CFAP299: variants seen among roughly 807,000 people sequenced by gnomAD.
The protein encoded by CFAP299 is cilia and flagella associated protein 299, also known as cilia- and flagella-associated protein 299.
A neutral mutation model predicts 27.0 loss-of-function variants in CFAP299; 21 were observed. The ratio of observed to expected loss-of-function variants is 0.78; its 90% confidence interval spans 0.55 to 1.12. The LOEUF is 1.12. Ranked by LOEUF, CFAP299 falls within the 50% of genes most tolerant of loss-of-function variation. The pLI, the probability that CFAP299 is intolerant of heterozygous loss-of-function variation, is 0.00. For missense variants in CFAP299, 310 were observed against 276.6 expected (o/e 1.12, Z -0.86); for synonymous variants, 104 against 98.1 (o/e 1.06, Z -0.36).
chr4:80,564,147 T>A (rs1735169907), intron 2 of CFAP299, among the ~76,000 whole-genome samples: 1 of 151,878 alleles, frequency 6.6e-6, no homozygotes, highest in African/African-American at 2.4e-5. Flanking sequence ...TTATAAAAAA[T>A]AGGGGAGGAG....
At chr4:80,435,303 A>T (rs1286565538) in intron 2 of CFAP299, among the ~76,000 whole-genome samples, 2 of 152,178 alleles carry the variant, frequency 1.3e-5, no homozygotes, top group Non-Finnish European at 2.9e-5. Context: ...TGTATCTTCC[A>T]TCCAGAGAGG....
chr4:80,683,652 C>T (rs1719989758), intron 3 of CFAP299, among the ~76,000 whole-genome samples: 1 of 152,006 alleles, frequency 6.6e-6, no homozygotes, highest in Admixed American at 6.6e-5. Context: ...CTCTTGTAAC[C>T]CTTTGATAAT....
At chr4:80,675,909 G>T (rs1719419222) in intron 3 of CFAP299, among the ~76,000 whole-genome samples, 3 of 152,184 alleles carry the variant, frequency 2.0e-5, no homozygotes, top group African/African-American at 7.2e-5. Flanking sequence ...CACAGTATGT[G>T]GGTGGGAGTG....
chr4:80,485,947 G>A (rs901860340), intron 2 of CFAP299, among the ~76,000 whole-genome samples: 2 of 151,962 alleles, frequency 1.3e-5, no homozygotes, highest in African/African-American at 4.8e-5. Flanking sequence ...GCTAAATTCT[G>A]TTTTACTTTT....
At chr4:80,668,413 T>A (rs1741252864) in intron 3 of CFAP299, among the ~76,000 whole-genome samples, 1 of 152,190 alleles carries the variant, frequency 6.6e-6, no homozygotes, top group African/African-American at 2.4e-5. Context: ...CCCCAAAGTT[T>A]TTTGTTAGTA....
intron 2 of CFAP299, among the ~76,000 whole-genome samples, chr4:80,541,482 G>A (rs1231794780): frequency 2.0e-5 from 3 of 152,028 alleles, no homozygotes; most frequent in African/African-American, 7.2e-5. Flanking sequence ...AGGATTATTT[G>A]GTACTCAGTG....
intron 3 of CFAP299, among the ~76,000 whole-genome samples, chr4:80,828,671 T>G (rs1415477870): frequency 6.6e-6 from 1 of 151,998 alleles, no homozygotes; most frequent in Non-Finnish European, 1.5e-5. Flanking sequence ...ACCATGATTG[T>G]AAGCTTCCTG....
In CFAP299 at chr4:80,447,444, G is replaced by GT. The variant is rs921234316; in HGVS notation, c.242+84566dup. Among the ~76,000 whole-genome samples the GT allele has an allele frequency of 7.6e-4, 106 of 138,932 alleles. 1 individual carries two copies. The highest frequency in any genetic ancestry group is 2.0e-3 in the African/African-American group (76 of 37,124). The allele number at this position is 138,932 out of a possible 152,430, so 91.1% of individuals were successfully genotyped here. ...GCCACCGCGCCCGGCCTATTTGTTT[G>GT]TTTTTTAAGACAGAGTCTTGCTCTG... is the stretch of plus-strand genomic sequence containing the variant. On this transcript the variant is annotated intron_variant, in intron 2 of 5. Transcript: ENST00000358105.
intron 3 of CFAP299, among the ~76,000 whole-genome samples, chr4:80,786,749 C>T (rs994215174): frequency 6.6e-6 from 1 of 152,060 alleles, no homozygotes; most frequent in Non-Finnish European, 1.5e-5. Context: ...TTTGTAACTG[C>T]TTCAGCCACT....
intron 4 of CFAP299, among the ~76,000 whole-genome samples, chr4:80,894,392 A>G (rs538572865): frequency 3.9e-5 from 6 of 152,134 alleles, no homozygotes; most frequent in African/African-American, 1.4e-4. Flanking sequence ...GATCCTAACC[A>G]GTACATCTAA....
intron 2 of CFAP299, among the ~76,000 whole-genome samples, chr4:80,452,290 A>G (rs1003611484): frequency 6.6e-5 from 10 of 151,980 alleles, no homozygotes; most frequent in African/African-American, 2.4e-4. Context: ...GTTACGACCA[A>G]CAGGCCTTCA....
chr4:80,906,163 GGGCTATA>G (rs1735174244), intron 4 of CFAP299, among the ~76,000 whole-genome samples: 1 of 137,516 alleles, frequency 7.3e-6, no homozygotes, highest in African/African-American at 3.4e-5. Flanking sequence ...CAAAATGAAG[GGGCTATA>G]GGCCCCATGC....
At chr4:80,615,194 T>TCTAC (rs1738210396) in intron 3 of CFAP299, among the ~76,000 whole-genome samples, 1 of 152,146 alleles carries the variant, frequency 6.6e-6, no homozygotes, top group Non-Finnish European at 1.5e-5. Flanking sequence ...TCTGAGCAAA[T>TCTAC]TAGTTTAGTA....
At chr4:80,422,505 C>G (rs1727336052) in intron 2 of CFAP299, among the ~76,000 whole-genome samples, 2 of 152,116 alleles carry the variant, frequency 1.3e-5, no homozygotes, top group Non-Finnish European at 2.9e-5. Context: ...TGTACTTTTT[C>G]AAGTTTCTGC....
rs775126961 is a variant in CFAP299, at chr4:80,623,166, T to C, written c.333+39983T>C. On this transcript the variant is annotated intron_variant, in intron 3 of 5. Coordinates refer to ENST00000358105, the MANE Select transcript of CFAP299 (RefSeq NM_152770.3). ...CAACAAGAAATAAGGAAGGCTAATA[T>C]TGGCAGGAGAGAGAAAGGAGGGGAA... is the stretch of plus-strand genomic sequence containing the variant. 2.0e-5 allele frequency among the ~76,000 whole-genome samples: 3 copies of C among 151,966 alleles called. No homozygotes were observed. In the South Asian group the frequency reaches 6.2e-4, roughly 32 times the overall value.
intron 3 of CFAP299, among the ~76,000 whole-genome samples, chr4:80,644,696 T>A (rs550450622): frequency 6.6e-6 from 1 of 152,288 alleles, no homozygotes; most frequent in East Asian, 1.9e-4. Context: ...CCAACTCTTG[T>A]TCCTTGAGTA....
At chr4:80,805,191 G>T (rs1213467562) in intron 3 of CFAP299, among the ~76,000 whole-genome samples, 1 of 151,634 alleles carries the variant, frequency 6.6e-6, no homozygotes, top group Non-Finnish European at 1.5e-5. Flanking sequence ...GAAATATTTA[G>T]GTTTTATATT....
At chr4:80,593,397 T>C (rs896516854) in intron 3 of CFAP299, among the ~76,000 whole-genome samples, 7 of 152,348 alleles carry the variant, frequency 4.6e-5, no homozygotes, top group African/African-American at 1.7e-4. Context: ...CCTCTTCATA[T>C]CTGACCAGTA....
chr4:80,573,491 C>T (rs1305874677), intron 2 of CFAP299, among the ~76,000 whole-genome samples: 2 of 151,916 alleles, frequency 1.3e-5, no homozygotes. Context: ...TCTATTTTTG[C>T]TTTGGTTGCC....
Sources: gnomAD v4.1 joint callset for allele counts (sites outside exome capture counted in the v4.1 genomes callset) on GRCh38, gnomAD v4.1.1 for gene constraint, MANE v1.5 for transcripts, NCBI Gene and HGNC (gene_info 2026-07-23, HGNC 2026-07-21) for gene names.